Variants in STIL observed in about 807,000 individuals in gnomAD.
The protein encoded by STIL is SCL-interrupting locus protein.
In STIL, 55 loss-of-function variants were observed where a neutral mutation model predicts 110.1. The observed-to-expected ratio is 0.50, with a 90% CI of 0.40 to 0.63. The LOEUF (loss-of-function observed/expected upper bound fraction) is 0.63, where lower values mean the gene tolerates loss of function less well. Ranked by LOEUF, STIL falls within the 20% of genes least tolerant of loss-of-function variation. The pLI is 0.00. For missense variants in STIL, 1,358 were observed against 1,530.0 expected, an observed-to-expected ratio of 0.89 and a Z score of 1.87; for synonymous variants, 481 against 530.0, an observed-to-expected ratio of 0.91 and a Z score of 1.27.
intron 1 of STIL, 116 bp from the exon 2 acceptor site, chr1:47,310,478 T>C (rs573984484): frequency 6.5e-5 from 40 of 619,052 alleles, no homozygotes; most frequent in Middle Eastern, 4.6e-4. Flanking sequence ...AGTGTGACTA[T>C]AGATTAATAA....
At chr1:47,290,239 T>C (rs574612785) in intron 8 of STIL, among the ~76,000 whole-genome samples, 2 of 152,100 alleles carry the variant, frequency 1.3e-5, no homozygotes, top group Non-Finnish European at 2.9e-5. Flanking sequence ...AAACACGATA[T>C]GAAAAAGATT....
At chr1:47,306,454 A>G (rs1645964377) in intron 2 of STIL, among the ~76,000 whole-genome samples, 1 of 152,020 alleles carries the variant, frequency 6.6e-6, no homozygotes. Flanking sequence ...GGGTCCTGCT[A>G]TGTTTCCCAG....
intron 12 of STIL, among the ~76,000 whole-genome samples, chr1:47,279,298 AAAT>A (rs202051450): frequency 4.0e-4 from 60 of 150,682 alleles, no homozygotes; most frequent in African/African-American, 1.4e-3. Flanking sequence ...AAAAAAAAAA[AAAT>A]CATACGTATA....
chr1:47,289,414 C>T (rs778915489), intron 9 of STIL, 21 bp downstream of exon 9: 3 of 1,611,738 alleles, frequency 1.9e-6, no homozygotes, highest in Admixed American at 1.7e-5. Context: ...CACTAATGTA[C>T]TAGACAATGA....
chr1:47,280,189 A>G, intron 12 of STIL, 52 bp downstream of exon 12: 1 of 1,612,326 alleles, frequency 6.2e-7, no homozygotes, highest in Non-Finnish European at 8.5e-7. Context: ...GCCAGTTTTT[A>G]AGAAATCTTA....
chr1:47,311,753 G>T (rs1488327529), intron 1 of STIL, among the ~76,000 whole-genome samples: 1 of 152,140 alleles, frequency 6.6e-6, no homozygotes, highest in Non-Finnish European at 1.5e-5. Flanking sequence ...CTAGGAAAAA[G>T]AAACTGTCTA....
rs116150712 is a variant in STIL, at chr1:47,273,569, G to T, written c.2218-1328C>A. Reference sequence around the variant, plus strand: ...TTGCTGAATAACATTCCCTTGTATGGATATATCACATTGTGCTTTTCCACT... The same window carrying T: ...TTGCTGAATAACATTCCCTTGTATGTATATATCACATTGTGCTTTTCCACT... On this transcript the variant is annotated intron_variant, in intron 12 of 16. Coordinates refer to ENST00000371877, the MANE Select transcript of STIL (RefSeq NM_001048166.1). Among the ~76,000 whole-genome samples the T allele has an allele frequency of 5.8e-3, 878 of 152,278 alleles. 8 individuals carry two copies. Among genetic ancestry groups the T allele is most frequent in the African/African-American group, 0.02 (825 of 41,546 alleles).
At chr1:47,274,259 T>A (rs547945702) in intron 12 of STIL, among the ~76,000 whole-genome samples, 1 of 152,348 alleles carries the variant, frequency 6.6e-6, no homozygotes, top group Admixed American at 6.5e-5. Flanking sequence ...TCAGTGTTTT[T>A]AAAACATTAA....
chr1:47,305,071 C>T, intron 2 of STIL, 75 bp from the exon 3 acceptor site: 1 of 992,992 alleles, frequency 1.0e-6, no homozygotes, highest in Non-Finnish European at 1.6e-6. Context: ...AAACAACTAA[C>T]TATCTTTAAG....
At chr1:47,298,006 G>A (rs184628129) in intron 6 of STIL, among the ~76,000 whole-genome samples, 1 of 152,200 alleles carries the variant, frequency 6.6e-6, no homozygotes, top group African/African-American at 2.4e-5. Context: ...TTAATTAAGA[G>A]GATTAAATGT....
At chr1:47,302,119 C>A in intron 4 of STIL, 115 bp downstream of exon 4, 1 of 764,970 alleles carries the variant, frequency 1.3e-6, no homozygotes, top group Non-Finnish European at 2.3e-6. Flanking sequence ...TGGAGTCTTA[C>A]TATGTTATGC....
At chr1:47,287,206 T>A (rs1245346577) in intron 10 of STIL, among the ~76,000 whole-genome samples, 2 of 151,968 alleles carry the variant, frequency 1.3e-5, no homozygotes, top group African/African-American at 4.8e-5. Context: ...TTAATTTAAA[T>A]ATTAAAATAA....
In STIL at chr1:47,270,255, T is replaced by TATAC. The variant is rs775684329; in HGVS notation, c.2384-390_2384-389insGTAT. 3.4e-3 allele frequency among the ~76,000 whole-genome samples: 401 copies of TATAC among 119,386 alleles called. 3 individuals are homozygous for TATAC. Among genetic ancestry groups the TATAC allele is most frequent in the African/African-American group, 0.012 (377 of 30,352 alleles). The allele number at this position is 119,386 out of a possible 152,430, so 78.3% of individuals were successfully genotyped here. On this transcript the variant is annotated intron_variant, in intron 13 of 16. Transcript: ENST00000371877. ...AAAAAAAAAAAAATATATATATATATACACACACACACACACACACACACA... is the reference window on the plus strand; with the variant it reads ...AAAAAAAAAAAAATATATATATATATATACACACACACACACACACACACACACA...
intron 16 of STIL, 111 bp from the exon 17 acceptor site, chr1:47,252,033 G>T: frequency 1.8e-6 from 2 of 1,134,552 alleles, no homozygotes; most frequent in Non-Finnish European, 2.5e-6. Flanking sequence ...TTAAGTTCAT[G>T]GTCCTTTTAT....
intron 8 of STIL, 112 bp downstream of exon 8, chr1:47,293,346 A>T: frequency 2.4e-6 from 2 of 821,724 alleles, no homozygotes; most frequent in Non-Finnish European, 4.0e-6. Context: ...GTACGTGTTT[A>T]TTTATAAGTA....
intron 1 of STIL, among the ~76,000 whole-genome samples, chr1:47,312,119 T>C (rs1418354177): frequency 2.0e-5 from 3 of 152,160 alleles, no homozygotes; most frequent in African/African-American, 7.2e-5. Flanking sequence ...AGAGACTTTT[T>C]AGATAAAGTC....
rs774372858 is a variant in STIL at position 47,260,382 on chromosome 1, A to G, written c.2987T>C (p.Leu996Pro). ...TCTTAGTTGCTTAAGAGTTGCATTAAGGACACAATCTTTGTCCACCAGTCT... is the reference window on the plus strand; with the variant it reads ...TCTTAGTTGCTTAAGAGTTGCATTAGGGACACAATCTTTGTCCACCAGTCT... ...HSRLVDKDCV[L>P]NATLKQLRSL... Residue 996 changes from leucine (L) to proline (P), a missense_variant, in exon 16 of 17, where the codon CTT (leucine) becomes CCT (proline). Leu to Pro is a moderately conservative substitution (Grantham distance 98, BLOSUM62 -3). Coordinates refer to ENST00000371877, the MANE Select transcript of STIL (RefSeq NM_001048166.1). The G allele has an allele frequency of 1.2e-6, 2 of 1,614,190 alleles. No individual in the cohort carries two copies. Among genetic ancestry groups the G allele is most frequent in the East Asian group, 4.5e-5 (2 of 44,882 alleles).
chr1:47,275,091 G>C (rs1644949576), intron 12 of STIL, among the ~76,000 whole-genome samples: 1 of 152,038 alleles, frequency 6.6e-6, no homozygotes, highest in Non-Finnish European at 1.5e-5. Flanking sequence ...GGCAGAGGTT[G>C]CAGTGAGCTG....
chr1:47,262,694 G>A (rs970152890), intron 15 of STIL, among the ~76,000 whole-genome samples: 1 of 152,006 alleles, frequency 6.6e-6, no homozygotes, highest in African/African-American at 2.4e-5. Flanking sequence ...ATAAAGCTGT[G>A]TTTTTCTAAG....
Sources: gnomAD v4.1 joint callset for allele counts (sites outside exome capture counted in the v4.1 genomes callset) on GRCh38, gnomAD v4.1.1 for gene constraint, MANE v1.5 for transcripts, NCBI Gene and HGNC (gene_info 2026-07-23, HGNC 2026-07-21) for gene names.